Variants in VTI1A observed in about 807,000 individuals in gnomAD.
VTI1A encodes vesicle transport through interaction with t-SNAREs 1A, also known as vesicle transport through interaction with t-SNAREs homolog 1A.
A neutral mutation model predicts 34.9 loss-of-function variants in VTI1A; 22 were observed. The observed-to-expected ratio is 0.63, with a 90% confidence interval of 0.45 to 0.90. The LOEUF (loss-of-function observed/expected upper bound fraction) is 0.90. VTI1A is among the 40% of genes least tolerant of loss of function. The probability of loss-of-function intolerance (pLI) is 0.00; values close to 1 mark genes in which losing one functional copy is unlikely to be tolerated. For missense variants in VTI1A, 268 were observed against 275.6 expected, an observed-to-expected ratio of 0.97 and a Z score of 0.20; for synonymous variants, 87 against 97.3, an observed-to-expected ratio of 0.89 and a Z score of 0.62.
At chr10:112,501,627 A>C (rs1849237927) in intron 3 of VTI1A, among the ~76,000 whole-genome samples, 1 of 152,070 alleles carries the variant, frequency 6.6e-6, no homozygotes, top group South Asian at 2.1e-4. Context: ...ATTGGAAGTA[A>C]AAACCTTTTT....
intron 7 of VTI1A, among the ~76,000 whole-genome samples, chr10:112,713,151 T>G (rs1197976024): frequency 6.6e-6 from 1 of 152,160 alleles, no homozygotes; most frequent in Admixed American, 6.5e-5. Context: ...ATGGTCCATA[T>G]GAAAGACCCC....
chr10:112,599,216 G>A (rs1844790112), intron 5 of VTI1A, among the ~76,000 whole-genome samples: 1 of 152,132 alleles, frequency 6.6e-6, no homozygotes, highest in Non-Finnish European at 1.5e-5. Context: ...GAGTAGGATT[G>A]GGGGATCTGC....
Position 112,533,581 on chromosome 10 carries a change from T to A in VTI1A, c.343-4665T>A, listed in dbSNP as rs545051821. ...TACTTCCTAGCTTCTTTTTTTTTTT[T>A]AATTCTGCTTTTCCCTATAAAATTG... On this transcript the variant is annotated intron_variant, in intron 4 of 7. Coordinates refer to ENST00000393077, the MANE Select transcript of VTI1A (RefSeq NM_145206.4). The A allele has an allele frequency of 5.2e-5, 52 of 999,748 alleles. No homozygotes were observed. The East Asian group carries it at 3.0e-3, about 58-fold the overall frequency. The allele number at this position is 999,748 out of a possible 1,614,324, so 61.9% of individuals were successfully genotyped here.
chr10:112,642,364 C>T (rs190184185), intron 5 of VTI1A, among the ~76,000 whole-genome samples: 1 of 152,186 alleles, frequency 6.6e-6, no homozygotes, highest in Non-Finnish European at 1.5e-5. Context: ...TGATCCCCCC[C>T]TCTCCATCAG....
chr10:112,743,791 G>C (rs1004926165), intron 7 of VTI1A, among the ~76,000 whole-genome samples: 38 of 151,932 alleles, frequency 2.5e-4, no homozygotes, highest in African/African-American at 8.5e-4. Context: ...AAATTATTTC[G>C]GTTATATACA....
At chr10:112,838,607 T>G in the VTI1A span, among the ~76,000 whole-genome samples, 3 of 151,984 alleles carry the variant, frequency 2.0e-5, no homozygotes, top group African/African-American at 4.8e-5. Flanking sequence ...GGGAAGGAAC[T>G]CAGAGACCCT....
chr10:112,502,787 A>G (rs765875213), intron 3 of VTI1A, among the ~76,000 whole-genome samples: 1 of 152,218 alleles, frequency 6.6e-6, no homozygotes, highest in Non-Finnish European at 1.5e-5. Flanking sequence ...GTAAACTCTA[A>G]CCCTATATAA....
At chr10:112,755,297 T>A (rs1851246154) in intron 7 of VTI1A, among the ~76,000 whole-genome samples, 1 of 152,010 alleles carries the variant, frequency 6.6e-6, no homozygotes, top group Admixed American at 6.6e-5. Context: ...ATGCTTCAAA[T>A]TCTGTGACAT....
At chr10:112,520,842 G>A (rs1373275999) in intron 3 of VTI1A, among the ~76,000 whole-genome samples, 4 of 151,730 alleles carry the variant, frequency 2.6e-5, no homozygotes, top group Non-Finnish European at 5.9e-5. Flanking sequence ...AATAATAAAT[G>A]AGAGTGATTA....
At chr10:112,685,167 A>G (rs1334687794) in intron 7 of VTI1A, among the ~76,000 whole-genome samples, 1 of 152,220 alleles carries the variant, frequency 6.6e-6, no homozygotes, top group Non-Finnish European at 1.5e-5. Flanking sequence ...AGAACTTTAA[A>G]TCTGCAAATT....
chr10:112,696,036 A>G (rs1247271156), intron 7 of VTI1A, among the ~76,000 whole-genome samples: 1 of 151,664 alleles, frequency 6.6e-6, no homozygotes, highest in East Asian at 1.9e-4. Context: ...AATGCCTCCA[A>G]TGTATTTTGT....
At chr10:112,584,569 C>A (rs1354618693) in intron 5 of VTI1A, among the ~76,000 whole-genome samples, 1 of 152,218 alleles carries the variant, frequency 6.6e-6, no homozygotes, top group African/African-American at 2.4e-5. Flanking sequence ...GAAGCAGCAG[C>A]TTCCTCCACA....
intron 3 of VTI1A, among the ~76,000 whole-genome samples, chr10:112,470,479 A>G (rs2134068261): frequency 6.6e-6 from 1 of 152,286 alleles, no homozygotes; most frequent in Middle Eastern, 3.4e-3. Context: ...CAGAGCAAGA[A>G]CGGAGGAAGG....
At chr10:112,827,061 G>C in the VTI1A span, 1 of 152,106 alleles carries the variant, frequency 6.6e-6, no homozygotes, top group African/African-American at 2.4e-5. Flanking sequence ...TCATGTTAAA[G>C]TTTTGGCTTT....
chr10:112,488,389 A>G (rs1472987910), intron 3 of VTI1A, among the ~76,000 whole-genome samples: 1 of 152,212 alleles, frequency 6.6e-6, no homozygotes, highest in Non-Finnish European at 1.5e-5. Flanking sequence ...GTATTAAGTG[A>G]AGAGTACCAA....
chr10:112,657,591 A>AAT (rs1426767847), intron 5 of VTI1A, among the ~76,000 whole-genome samples: 2 of 152,246 alleles, frequency 1.3e-5, no homozygotes, highest in African/African-American at 4.8e-5. Context: ...ACACATATAT[A>AAT]ATATACAAAA....
At chr10:112,479,511 A>G (rs1848394566) in intron 3 of VTI1A, among the ~76,000 whole-genome samples, 1 of 152,204 alleles carries the variant, frequency 6.6e-6, no homozygotes, top group Non-Finnish European at 1.5e-5. Flanking sequence ...TCAAATAACC[A>G]GGAAAAATCA....
At position 112,800,688 on chromosome 10, in the gene VTI1A, A is replaced by G. The variant is rs186694025; in HGVS notation, c.561-14602A>G. ...TCTTTGGAGCGTGCCAATTCCTTAT[A>G]TTGGTACTGTTTTCTTTCATAGAGA... is the stretch of plus-strand genomic sequence containing the variant. On this transcript the variant is annotated intron_variant, in intron 7 of 7. Transcript: ENST00000393077. 4.2e-3 allele frequency among the ~76,000 whole-genome samples: 643 copies of G among 152,270 alleles called. 2 individuals are homozygous for G. Among genetic ancestry groups the G allele is most frequent in the African/African-American group, 0.014 (596 of 41,548 alleles).
chr10:112,744,172 C>T (rs1013671615), intron 7 of VTI1A, among the ~76,000 whole-genome samples: 1 of 152,108 alleles, frequency 6.6e-6, no homozygotes, highest in Admixed American at 6.5e-5. Context: ...ATGTCCCTTG[C>T]ACATTACAGA....
Sources: gnomAD v4.1 joint callset for allele counts (sites outside exome capture counted in the v4.1 genomes callset) on GRCh38, gnomAD v4.1.1 for gene constraint, MANE v1.5 for transcripts, NCBI Gene and HGNC (gene_info 2026-07-23, HGNC 2026-07-21) for gene names.